The following TLL1 variants were observed in gnomAD, a reference collection of about 807,000 sequenced individuals.
TLL1 encodes the protein tolloid-like protein 1.
TLL1 carries 49 observed loss-of-function variants against 128.2 expected under a neutral mutation model. That is an observed-to-expected ratio of 0.38 (90% CI 0.30 to 0.48). The LOEUF (loss-of-function observed/expected upper bound fraction) is 0.48. TLL1 is among the 20% of genes least tolerant of loss of function. TLL1 has a pLI of 0.96. For missense variants in TLL1, 1,123 were observed against 1,242.0 expected, an observed-to-expected ratio of 0.90 and a Z score of 1.44; for synonymous variants, 454 against 418.8, an observed-to-expected ratio of 1.08 and a Z score of -1.03.
intron 1 of TLL1, among the ~76,000 whole-genome samples, chr4:165,963,340 AAAAAG>A (rs1475638426): frequency 6.6e-6 from 1 of 152,126 alleles, no homozygotes; most frequent in Non-Finnish European, 1.5e-5. Flanking sequence ...AGTTGAACAA[AAAAAG>A]AAAAGAACTG....
At chr4:165,964,626 C>G (rs1735280071) in intron 1 of TLL1, among the ~76,000 whole-genome samples, 1 of 152,138 alleles carries the variant, frequency 6.6e-6, no homozygotes, top group Non-Finnish European at 1.5e-5. Context: ...AGATACTTTC[C>G]AAAAGTACAG....
At chr4:165,927,407 TTTAG>T (rs1172069583) in intron 1 of TLL1, among the ~76,000 whole-genome samples, 5 of 152,160 alleles carry the variant, frequency 3.3e-5, no homozygotes, top group Non-Finnish European at 5.9e-5. Flanking sequence ...AACTGGAAGT[TTTAG>T]TTAGTTTTTT....
chr4:165,924,620 G>A (rs907962310), intron 1 of TLL1, among the ~76,000 whole-genome samples: 4 of 152,156 alleles, frequency 2.6e-5, no homozygotes, highest in Admixed American at 6.5e-5. Context: ...TTTTGTAGAC[G>A]CTGCAGCAAG....
chr4:165,877,359 G>A (rs1206756717), intron 1 of TLL1, among the ~76,000 whole-genome samples: 1 of 152,188 alleles, frequency 6.6e-6, no homozygotes, highest in Non-Finnish European at 1.5e-5. Flanking sequence ...TATATAAGTA[G>A]ATATACACAA....
chr4:165,913,549 C>G (rs1732641887), intron 1 of TLL1, among the ~76,000 whole-genome samples: 2 of 152,198 alleles, frequency 1.3e-5, no homozygotes, highest in African/African-American at 4.8e-5. Context: ...TGTTGCAAAA[C>G]AGAATCCTAT....
intron 1 of TLL1, among the ~76,000 whole-genome samples, chr4:165,885,603 A>C (rs28481883): frequency 0.4 from 60,995 of 151,970 alleles, 12,536 homozygotes; most frequent in East Asian, 0.55. Context: ...AACAAACAAA[A>C]AAAAAACTAC....
chr4:165,946,277 C>G (rs113947308), intron 1 of TLL1, among the ~76,000 whole-genome samples: 3 of 152,116 alleles, frequency 2.0e-5, no homozygotes, highest in African/African-American at 7.2e-5. Context: ...GCAATGAAAA[C>G]AGCTGAGCCA....
chr4:165,881,104 A>C (rs1730949489), intron 1 of TLL1, among the ~76,000 whole-genome samples: 1 of 152,230 alleles, frequency 6.6e-6, no homozygotes, highest in African/African-American at 2.4e-5. Flanking sequence ...TTTCGTATTC[A>C]GATTAAAGAT....
chr4:165,958,774 G>A (rs1402008657), intron 1 of TLL1, among the ~76,000 whole-genome samples: 1 of 149,012 alleles, frequency 6.7e-6, no homozygotes, highest in African/African-American at 2.5e-5. Flanking sequence ...TTTTAGACAC[G>A]AAGTCCTTGC....
chr4:166,001,715 T>G (rs1159577895), intron 5 of TLL1, among the ~76,000 whole-genome samples: 1 of 151,398 alleles, frequency 6.6e-6, no homozygotes, highest in African/African-American at 2.4e-5. Context: ...GAGAATCACT[T>G]GAACCTGGGA....
intron 1 of TLL1, among the ~76,000 whole-genome samples, chr4:165,941,432 A>G (rs1383145022): frequency 6.6e-6 from 1 of 152,152 alleles, no homozygotes; most frequent in Non-Finnish European, 1.5e-5. Context: ...TGTACCATGA[A>G]TGGATGAACC....
chr4:165,937,302 TTTAG>T (rs1276065583), intron 1 of TLL1, among the ~76,000 whole-genome samples: 1 of 152,210 alleles, frequency 6.6e-6, no homozygotes, highest in Non-Finnish European at 1.5e-5. Flanking sequence ...TGACTGGGTT[TTTAG>T]TTATTCTCTT....
At chr4:166,068,991 T>G (rs1433436652) in intron 16 of TLL1, among the ~76,000 whole-genome samples, 1 of 151,744 alleles carries the variant, frequency 6.6e-6, no homozygotes, top group African/African-American at 2.4e-5. Flanking sequence ...GGAAAGACGA[T>G]GCATTATGGT....
intron 15 of TLL1, among the ~76,000 whole-genome samples, chr4:166,063,353 G>A (rs1355332302): frequency 1.3e-5 from 2 of 152,172 alleles, no homozygotes; most frequent in African/African-American, 4.8e-5. Flanking sequence ...AGGTGCTGGA[G>A]AGGATGTGGA....
intron 16 of TLL1, among the ~76,000 whole-genome samples, chr4:166,070,081 G>A (rs950771208): frequency 7.2e-5 from 11 of 151,902 alleles, no homozygotes; most frequent in Admixed American, 7.2e-4. Flanking sequence ...TCCAACAATA[G>A]ATTGGTGTTA....
At chr4:166,038,281 T>C (rs1739089181) in intron 9 of TLL1, among the ~76,000 whole-genome samples, 1 of 152,146 alleles carries the variant, frequency 6.6e-6, no homozygotes, top group Admixed American at 6.5e-5. Context: ...GAGACTTCTT[T>C]CACATTCAGC....
At chr4:165,916,102 A>G (rs954772322) in intron 1 of TLL1, among the ~76,000 whole-genome samples, 1 of 152,172 alleles carries the variant, frequency 6.6e-6, no homozygotes, top group Non-Finnish European at 1.5e-5. Context: ...AGGCATTTCC[A>G]TAGAGAGCTG....
At chr4:166,003,821 T>C (rs1349029323) in intron 6 of TLL1, among the ~76,000 whole-genome samples, 3 of 152,112 alleles carry the variant, frequency 2.0e-5, no homozygotes, top group African/African-American at 4.8e-5. Flanking sequence ...TTCTAAACTT[T>C]GGTGCTTTCC....
At chr4:166,052,853 G>A (rs1739809321) in intron 12 of TLL1, among the ~76,000 whole-genome samples, 1 of 151,154 alleles carries the variant, frequency 6.6e-6, no homozygotes, top group Non-Finnish European at 1.5e-5. Context: ...ATTATTTTCT[G>A]TATTGTCCCC....
Sources: gnomAD v4.1 joint callset for allele counts (sites outside exome capture counted in the v4.1 genomes callset) on GRCh38, gnomAD v4.1.1 for gene constraint, MANE v1.5 for transcripts, NCBI Gene and HGNC (gene_info 2026-07-23, HGNC 2026-07-21) for gene names.